Variants in SYT14 observed in about 807,000 individuals in gnomAD.
The protein encoded by SYT14 is synaptotagmin-14.
Under a neutral mutation model 74.2 loss-of-function variants are expected in SYT14, and 32 were observed. The ratio of observed to expected loss-of-function variants is 0.43; its 90% CI spans 0.33 to 0.58. The LOEUF (loss-of-function observed/expected upper bound fraction) is 0.58, where lower values mean the gene tolerates loss of function less well. Among genes scored for constraint, SYT14 ranks in the 20% least tolerant of loss-of-function variants. The probability of loss-of-function intolerance (pLI) is 0.05; values close to 1 mark genes in which losing one functional copy is unlikely to be tolerated. For synonymous variants in SYT14, 298 were observed against 337.7 expected (o/e 0.88, Z 1.29); for missense variants, 791 against 981.8 (o/e 0.81, Z 2.60).
intron 5 of SYT14, among the ~76,000 whole-genome samples, chr1:210,043,671 A>G (rs2080835154): frequency 6.6e-6 from 1 of 152,206 alleles, no homozygotes; most frequent in South Asian, 2.1e-4. Context: ...TGTTTGAGCA[A>G]CAAACATAGT....
chr1:209,991,308 C>G (rs2079680262), intron 2 of SYT14, among the ~76,000 whole-genome samples: 1 of 152,088 alleles, frequency 6.6e-6, no homozygotes. Context: ...AAAGCTTCTG[C>G]ACAGTAAAAG....
intron 6 of SYT14, among the ~76,000 whole-genome samples, chr1:210,098,274 A>G (rs2082001345): frequency 6.6e-6 from 1 of 152,198 alleles, no homozygotes; most frequent in Non-Finnish European, 1.5e-5. Context: ...TAGTAGATAC[A>G]GTAGTTACGG....
In SYT14 at chr1:210,122,008, C is replaced by T. The variant is rs1285049382; in HGVS notation, c.2034+21547C>T. 9.1e-4 allele frequency among the ~76,000 whole-genome samples: 13 copies of T among 14,324 alleles called. 3 individuals carry two copies. The East Asian group carries it at 0.047, about 51-fold the overall frequency. 9.4% of individuals were successfully genotyped at this position (14,324 alleles called of 152,430 possible). ...TTTTTTTTTTTTTGAGACGGAGTCT[C>T]GCTCTGTCGCCCAGGCTGGAGTGCA... On this transcript the variant is annotated intron_variant, in intron 7 of 9. Transcript: ENST00000637265.
At chr1:209,953,287 G>T in intron 2 of SYT14, 2 of 1,272,910 alleles carry the variant, frequency 1.6e-6, no homozygotes, top group Non-Finnish European at 2.0e-6. Context: ...TGGGAGGCAA[G>T]GAATCAGGTA....
At chr1:210,095,141 C>G (rs781545681) in intron 6 of SYT14, among the ~76,000 whole-genome samples, 2 of 152,072 alleles carry the variant, frequency 1.3e-5, no homozygotes, top group Non-Finnish European at 2.9e-5. Flanking sequence ...AAAATTACAA[C>G]AAAAATAATT....
intron 7 of SYT14, among the ~76,000 whole-genome samples, chr1:210,147,804 A>C (rs138741530): frequency 1.1e-4 from 17 of 152,242 alleles, no homozygotes; most frequent in Admixed American, 2.0e-4. Context: ...CTATTAAATA[A>C]GGGTCAAGGT....
At chr1:210,072,435 A>T (rs2081412428) in intron 5 of SYT14, among the ~76,000 whole-genome samples, 1 of 152,020 alleles carries the variant, frequency 6.6e-6, no homozygotes, top group African/African-American at 2.4e-5. Context: ...GATGCAGTGA[A>T]ATATTTTTCA....
At chr1:210,000,707 C>T (rs913139272) in intron 2 of SYT14, among the ~76,000 whole-genome samples, 2 of 149,200 alleles carry the variant, frequency 1.3e-5, no homozygotes, top group Admixed American at 6.8e-5. Context: ...CTCTGCCCTC[C>T]GAGTCAAGTG....
chr1:209,977,976 C>A (rs1250424833), intron 2 of SYT14, among the ~76,000 whole-genome samples: 1 of 152,090 alleles, frequency 6.6e-6, no homozygotes, highest in Admixed American at 6.6e-5. Flanking sequence ...TCACTGATAC[C>A]CTTTCTTCCA....
At chr1:210,089,439 C>T (rs2081816835) in intron 5 of SYT14, among the ~76,000 whole-genome samples, 1 of 152,128 alleles carries the variant, frequency 6.6e-6, no homozygotes, top group Admixed American at 6.5e-5. Context: ...GTTCTAGATC[C>T]TTGAGGGATC....
chr1:209,938,296 C>CG lies in SYT14; in HGVS notation c.-534+23dup, dbSNP rs772484738. 24 of 1,552,020 alleles carry CG rather than the reference C, an allele frequency of 1.5e-5. 1 individual carries two copies. The highest frequency in any genetic ancestry group is 5.4e-5 in the Admixed American group (3 of 55,440). ...ATTGAAGGTAAGTGGAGGCTGACAGCGGGGAGCGAGGACCGGGACCACCCA... is the reference window on the plus strand; with the variant it reads ...ATTGAAGGTAAGTGGAGGCTGACAGCGGGGGAGCGAGGACCGGGACCACCCA... On this transcript the variant is annotated intron_variant, in intron 1 of 9. Coordinates refer to ENST00000637265, the Ensembl canonical transcript of SYT14.
intron 5 of SYT14, among the ~76,000 whole-genome samples, chr1:210,042,646 G>C (rs575032381): frequency 2.0e-5 from 3 of 152,228 alleles, no homozygotes; most frequent in South Asian, 4.2e-4. Flanking sequence ...TTTTTGTCAG[G>C]TTTGTCAAAG....
exon 4 of SYT14, chr1:210,016,105 G>A (rs1241927316): frequency 8.1e-7 from 1 of 1,231,960 alleles, no homozygotes; most frequent in African/African-American, 1.6e-5. Context: ...CTGTTGGGGA[G>A]GTCAGCTATG....
chr1:210,077,540 C>T (rs2102467482), intron 5 of SYT14, among the ~76,000 whole-genome samples: 1 of 152,278 alleles, frequency 6.6e-6, no homozygotes, highest in South Asian at 2.1e-4. Context: ...ATGAGTAATG[C>T]TGATGTGAAT....
At chr1:210,162,853 G>A (rs1429592171) in exon 10 of SYT14, 1 of 453,284 alleles carries the variant, frequency 2.2e-6, no homozygotes, top group African/African-American at 2.0e-5. Flanking sequence ...ATGACATGAG[G>A]TTTGAGAATG....
chr1:209,992,202 G>T (rs1181847930), intron 2 of SYT14, among the ~76,000 whole-genome samples: 2 of 152,092 alleles, frequency 1.3e-5, no homozygotes, highest in Non-Finnish European at 2.9e-5. Context: ...CTGGAGTGCA[G>T]CGGCACGATC....
chr1:210,077,154 T>C (rs1265016592), intron 5 of SYT14, among the ~76,000 whole-genome samples: 1 of 152,184 alleles, frequency 6.6e-6, no homozygotes, highest in Non-Finnish European at 1.5e-5. Context: ...TCTCGGCTTC[T>C]GGGGAGGCTT....
At chr1:210,078,201 T>G (rs1558173740) in intron 5 of SYT14, among the ~76,000 whole-genome samples, 1 of 149,222 alleles carries the variant, frequency 6.7e-6, no homozygotes. Context: ...TCCCAGCTAC[T>G]CGGGAGGCTG....
At chr1:210,004,886 A>T (rs867821692) in intron 2 of SYT14, among the ~76,000 whole-genome samples, 1 of 152,022 alleles carries the variant, frequency 6.6e-6, no homozygotes, top group African/African-American at 2.4e-5. Flanking sequence ...AGGTAGAATG[A>T]TATCATTTTG....
Sources: gnomAD v4.1 joint callset for allele counts (sites outside exome capture counted in the v4.1 genomes callset) on GRCh38, gnomAD v4.1.1 for gene constraint, MANE v1.5 for transcripts, NCBI Gene and HGNC (gene_info 2026-07-23, HGNC 2026-07-21) for gene names.